The following SPOCK3 variants were observed in gnomAD, a reference collection of about 807,000 sequenced individuals.
The protein encoded by SPOCK3 is SPARC (osteonectin), cwcv and kazal like domains proteoglycan 3, also known as testican-3.
In SPOCK3, 30 loss-of-function variants were observed where a neutral mutation model predicts 56.6. That is an observed-to-expected ratio of 0.53 (90% CI 0.40 to 0.72). SPOCK3 has a LOEUF of 0.72. Ranked by LOEUF, SPOCK3 falls within the 30% of genes least tolerant of loss-of-function variation. SPOCK3 has a pLI of 0.00. For synonymous variants in SPOCK3, 196 were observed against 183.3 expected (o/e 1.07, Z -0.56); for missense variants, 527 against 530.0 (o/e 0.99, Z 0.06).
At chr4:166,849,188 T>G (rs1316794190) in intron 6 of SPOCK3, among the ~76,000 whole-genome samples, 2 of 152,234 alleles carry the variant, frequency 1.3e-5, no homozygotes, top group African/African-American at 4.8e-5. Context: ...TTTAAAGGGC[T>G]GATAACTAGC....
chr4:167,109,423 A>C lies in SPOCK3; in HGVS notation c.190-46886T>G, dbSNP rs1200209632. ...TTTATATATAAATATATATATAAAT[A>C]TATATATGATAAATATATATTTATA... is the stretch of plus-strand genomic sequence containing the variant. On this transcript the variant is annotated intron_variant, in intron 2 of 10. Transcript: ENST00000357545. 6.7e-4 allele frequency among the ~76,000 whole-genome samples: 50 copies of C among 75,062 alleles called. 1 individual carries two copies. Among genetic ancestry groups the C allele is most frequent in the Admixed American group, 1.3e-3 (6 of 4,644 alleles). The allele number at this position is 75,062 out of a possible 152,430, so 49.2% of individuals were successfully genotyped here.
At chr4:167,215,580 G>A (rs1735280736) in intron 2 of SPOCK3, among the ~76,000 whole-genome samples, 1 of 152,198 alleles carries the variant, frequency 6.6e-6, no homozygotes, top group African/African-American at 2.4e-5. Context: ...AGCAGTGAAT[G>A]TGGCGTGAAG....
chr4:166,797,325 A>G (rs1394835702), intron 6 of SPOCK3, among the ~76,000 whole-genome samples: 2 of 127,260 alleles, frequency 1.6e-5, no homozygotes, highest in Admixed American at 8.3e-5. Context: ...TTTTTTTTAA[A>G]CAAAGCTTTG....
At chr4:166,921,974 C>G (rs35829572) in intron 4 of SPOCK3, among the ~76,000 whole-genome samples, 36,838 of 152,036 alleles carry the variant, frequency 0.24, 4,770 homozygotes, top group Non-Finnish European at 0.27. Context: ...TAGCCGTCAC[C>G]TGTTAGGAAC....
chr4:167,019,795 C>T (rs1054702641), intron 3 of SPOCK3, among the ~76,000 whole-genome samples: 2 of 151,998 alleles, frequency 1.3e-5, no homozygotes, highest in Non-Finnish European at 1.5e-5. Flanking sequence ...GAATTATAAC[C>T]GTGTGACTGA....
chr4:167,095,528 C>T (rs1759075279), intron 2 of SPOCK3, among the ~76,000 whole-genome samples: 1 of 151,506 alleles, frequency 6.6e-6, no homozygotes, highest in Non-Finnish European at 1.5e-5. Flanking sequence ...AAATTAACAC[C>T]TAAATGTTAT....
chr4:167,023,755 T>C (rs544102916), intron 3 of SPOCK3, among the ~76,000 whole-genome samples: 1 of 152,118 alleles, frequency 6.6e-6, no homozygotes, highest in South Asian at 2.1e-4. Flanking sequence ...TGGGACTTTG[T>C]ATGTTTCCCA....
At chr4:166,967,593 G>T (rs1744880819) in intron 4 of SPOCK3, among the ~76,000 whole-genome samples, 1 of 152,118 alleles carries the variant, frequency 6.6e-6, no homozygotes, top group Non-Finnish European at 1.5e-5. Flanking sequence ...CACCATGATT[G>T]TAAGTTTCCT....
At chr4:166,998,728 C>T (rs959123966) in intron 4 of SPOCK3, among the ~76,000 whole-genome samples, 11 of 152,014 alleles carry the variant, frequency 7.2e-5, no homozygotes, top group African/African-American at 2.7e-4. Flanking sequence ...AATGTCTGCA[C>T]GTGGAAATCT....
chr4:167,155,806 C>T (rs903534155), intron 2 of SPOCK3, among the ~76,000 whole-genome samples: 3 of 152,010 alleles, frequency 2.0e-5, no homozygotes, highest in African/African-American at 7.2e-5. Flanking sequence ...ATCCGAGCCA[C>T]ATATGAAATT....
chr4:167,163,419 T>A (rs1434760743), intron 2 of SPOCK3, among the ~76,000 whole-genome samples: 1 of 152,068 alleles, frequency 6.6e-6, no homozygotes, highest in East Asian at 1.9e-4. Flanking sequence ...TCACCTCAAG[T>A]ACTTACCATT....
intron 2 of SPOCK3, among the ~76,000 whole-genome samples, chr4:167,070,534 C>T (rs1756569317): frequency 6.6e-6 from 1 of 151,850 alleles, no homozygotes. Flanking sequence ...CCCTCTCAAA[C>T]CAAACTTTAG....
intron 8 of SPOCK3, 50 bp from the exon 9 acceptor site, chr4:166,742,109 A>C: frequency 1.5e-6 from 2 of 1,348,270 alleles, no homozygotes; most frequent in South Asian, 2.4e-5. Flanking sequence ...TAAACAAAGA[A>C]AGTGTAATTT....
intron 4 of SPOCK3, among the ~76,000 whole-genome samples, chr4:166,961,640 T>C (rs1744159287): frequency 6.6e-6 from 1 of 152,170 alleles, no homozygotes; most frequent in South Asian, 2.1e-4. Context: ...TTCTGCTCTT[T>C]GAGTTCTATG....
At chr4:166,940,526 T>A (rs1241388647) in intron 4 of SPOCK3, among the ~76,000 whole-genome samples, 1 of 151,990 alleles carries the variant, frequency 6.6e-6, no homozygotes, top group Non-Finnish European at 1.5e-5. Flanking sequence ...AGCAAAGCTA[T>A]CTTCGGTAGA....
chr4:166,858,349 C>G (rs1730899603), intron 6 of SPOCK3, among the ~76,000 whole-genome samples: 1 of 152,140 alleles, frequency 6.6e-6, no homozygotes, highest in Non-Finnish European at 1.5e-5. Context: ...TCTCAATATG[C>G]AATCTTTGGT....
intron 4 of SPOCK3, among the ~76,000 whole-genome samples, chr4:166,947,386 C>G (rs1207752291): frequency 6.6e-6 from 1 of 152,166 alleles, no homozygotes; most frequent in African/African-American, 2.4e-5. Context: ...AGCACAAATA[C>G]TGCATGATTT....
chr4:167,177,371 G>A (rs964591521), intron 2 of SPOCK3, among the ~76,000 whole-genome samples: 2 of 151,964 alleles, frequency 1.3e-5, no homozygotes, highest in African/African-American at 2.4e-5. Context: ...ACCTTATAAG[G>A]AAGATGCCAC....
intron 4 of SPOCK3, among the ~76,000 whole-genome samples, chr4:166,915,635 A>C (rs114218260): frequency 0.026 from 3,996 of 152,200 alleles, 193 homozygotes; most frequent in African/African-American, 0.091. Flanking sequence ...TAGTCATTGT[A>C]TAGGTGAAGA....
Sources: gnomAD v4.1 joint callset for allele counts (sites outside exome capture counted in the v4.1 genomes callset) on GRCh38, gnomAD v4.1.1 for gene constraint, MANE v1.5 for transcripts, NCBI Gene and HGNC (gene_info 2026-07-23, HGNC 2026-07-21) for gene names.